Variants in ZNF12 observed in about 807,000 individuals in gnomAD.
The protein encoded by ZNF12 is gonadotropin inducible transcription repressor 3.
A neutral mutation model predicts 66.6 loss-of-function variants in ZNF12; 34 were observed. The ratio of observed to expected loss-of-function variants is 0.51; its 90% CI spans 0.39 to 0.68. The LOEUF is 0.68. Ranked by LOEUF, ZNF12 falls within the 30% of genes least tolerant of loss-of-function variation. The probability of loss-of-function intolerance (pLI) is 0.00; values close to 1 mark genes in which losing one functional copy is unlikely to be tolerated. For missense variants in ZNF12, 697 were observed against 826.9 expected (o/e 0.84, Z 1.93); for synonymous variants, 320 against 278.9 (o/e 1.15, Z -1.47).
Position 6,698,050 on chromosome 7 carries a change from A to C in ZNF12, c.16-239T>G. The C allele has an allele frequency of 4.3e-6, 3 of 699,214 alleles. No homozygotes were observed. Among genetic ancestry groups the C allele is most frequent in the Non-Finnish European group, 5.3e-6 (2 of 377,960 alleles). The allele number at this position is 699,214 out of a possible 1,614,324, so 43.3% of individuals were successfully genotyped here. On this transcript the variant is annotated intron_variant, in intron 2 of 4. Coordinates refer to ENST00000405858, the MANE Select transcript of ZNF12 (RefSeq NM_016265.4). This position sits in a 1 kb window ranked among gnomAD's most constrained non-coding sequence, Gnocchi z 4.4. ...GGGATTGCACGGTGAGCCAGAAACA[A>C]TCCTGGCTGTTGGGAACTCTTAACA...
chr7:6,692,775 A>G lies in ZNF12; in HGVS notation c.239-72T>C. On this transcript the variant is annotated intron_variant, in intron 4 of 4. Coordinates refer to ENST00000405858, the MANE Select transcript of ZNF12 (RefSeq NM_016265.4). This position sits in a 1 kb window ranked among gnomAD's most constrained non-coding sequence, Gnocchi z 5.1. ...TATATGATATGGAATGAGATTCATG[A>G]TTTGTACACACGCATCTCATTGTGA... 1 of 1,409,186 alleles carries G rather than the reference A, an allele frequency of 7.1e-7. No homozygotes were observed. Among genetic ancestry groups the G allele is most frequent in the Admixed American group, 2.4e-5 (1 of 41,110 alleles). The allele number at this position is 1,409,186 out of a possible 1,614,324, so 87.3% of individuals were successfully genotyped here.
chr7:6,700,081 C>T (rs866381856), intron 2 of ZNF12, among the ~76,000 whole-genome samples: 4 of 151,390 alleles, frequency 2.6e-5, no homozygotes, highest in East Asian at 1.9e-4. Context: ...GTCAGGAAAT[C>T]GAGACCATCC....
chr7:6,691,712 C>T lies in ZNF12; in HGVS notation c.1230G>A (p.Lys410=), dbSNP rs1780071826. 2 of 1,613,372 alleles carry T rather than the reference C, an allele frequency of 1.2e-6. No homozygotes were observed. Among genetic ancestry groups the T allele is most frequent in the African/African-American group, 1.3e-5 (1 of 74,762 alleles). ...QKIHTGVKLY[K]CSECGKCFCR... is the part of the protein sequence containing the mutation. ...AGAAGCATTTCCCACATTCACTACACTTGTAGAGTTTCACACCTGTGTGAA... is the reference window on the plus strand; with the variant it reads ...AGAAGCATTTCCCACATTCACTACATTTGTAGAGTTTCACACCTGTGTGAA... The change falls in exon 5 of 5, where the codon AAG becomes AAA. Residue 410 remains lysine (K), a synonymous_variant. Transcript: ENST00000405858.
Position 6,691,649 on chromosome 7 carries a change from G to A in ZNF12, c.1293C>T (p.His431=). Reference sequence around the variant, plus strand: ...TACATTCATACGGTTTCTCTCCTGTGTGGGTCCTCAGGTGGGTCGTGAGAG... The same window carrying A: ...TACATTCATACGGTTTCTCTCCTGTATGGGTCCTCAGGTGGGTCGTGAGAG... ...KSTLTTHLRT[H]TGEKPYECNE... is the part of the protein sequence containing the mutation. The change falls in exon 5 of 5, where the codon CAC becomes CAT. Residue 431 remains histidine (H), a synonymous_variant. Coordinates refer to ENST00000405858, the MANE Select transcript of ZNF12 (RefSeq NM_016265.4). 1 of 1,614,032 alleles carries A rather than the reference G, an allele frequency of 6.2e-7. No homozygotes were observed. Among genetic ancestry groups the A allele is most frequent in the African/African-American group, 1.3e-5 (1 of 75,050 alleles).
At chr7:6,694,458 T>A (rs1418617452) in intron 4 of ZNF12, among the ~76,000 whole-genome samples, 1 of 152,200 alleles carries the variant, frequency 6.6e-6, no homozygotes, top group Non-Finnish European at 1.5e-5. Context: ...GACAGTCATC[T>A]AACAAAAATA....
chr7:6,701,600 G>T (rs143802644), intron 2 of ZNF12, among the ~76,000 whole-genome samples: 5,304 of 152,226 alleles, frequency 0.035, 137 homozygotes, highest in Non-Finnish European at 0.048. Flanking sequence ...GAGCATGTGT[G>T]GGGGTGGTTA....
Position 6,691,340 on chromosome 7 carries a change from T to G in ZNF12, c.1602A>C (p.Ser534=). 6.2e-7 allele frequency: 1 copy of G among 1,614,030 alleles called. No homozygotes were observed. The highest frequency in any genetic ancestry group is 8.5e-7 in the Non-Finnish European group (1 of 1,179,894). ...SECGKTFYQN[S]ALCRHRRIHK... is the part of the protein sequence containing the mutation. ...GTATTCTCCGATGTCTACAAAGGGCTGAGTTCTGGTAGAAGGTTTTCCCAC... is the reference window on the plus strand; with the variant it reads ...GTATTCTCCGATGTCTACAAAGGGCGGAGTTCTGGTAGAAGGTTTTCCCAC... Residue 534 remains serine (S), a synonymous_variant, in exon 5 of 5, where the codon TCA becomes TCC. Coordinates refer to ENST00000405858, the MANE Select transcript of ZNF12 (RefSeq NM_016265.4).
rs1449137865 is a variant in ZNF12 at position 6,697,745 on chromosome 7, C to T, written c.82G>A (p.Glu28Lys). Residue 28 changes from glutamate to lysine, a missense_variant, in exon 3 of 5, where the codon GAG becomes AAG. Coordinates refer to ENST00000405858, the MANE Select transcript of ZNF12 (RefSeq NM_016265.4). The surrounding 1 kb of genome is among the most constrained non-coding windows in gnomAD (Gnocchi z 6.1). ...TQEEWQQLDP[E>K]QKITYRDVML... The stretch of plus-strand genomic sequence containing the variant: ...ACATCCCTGTAAGTTATCTTCTGCT[C>T]AGGATCCAGCTGCTGCCATTCCTCC... The T allele has an allele frequency of 6.2e-7, 1 of 1,614,182 alleles. No homozygotes were observed. Among genetic ancestry groups the T allele is most frequent in the East Asian group, 2.2e-5 (1 of 44,884 alleles).
intron 4 of ZNF12, among the ~76,000 whole-genome samples, chr7:6,694,115 C>T (rs1044118157): frequency 2.6e-5 from 4 of 150,962 alleles, no homozygotes; most frequent in Non-Finnish European, 4.4e-5. Flanking sequence ...TGCAGTGAGC[C>T]GAGATTGTGT....
intron 2 of ZNF12, among the ~76,000 whole-genome samples, chr7:6,702,486 C>CCACATACACACACACACA (rs774190186): frequency 4.7e-5 from 2 of 42,748 alleles, no homozygotes; most frequent in African/African-American, 2.8e-4. Flanking sequence ...CTCCCAAACT[C>CCACATACACACACACACA]CACACACACA....
At chr7:6,706,354 C>G (rs1011551700) in intron 1 of ZNF12, 78 bp downstream of exon 1, 2 of 454,060 alleles carry the variant, frequency 4.4e-6, no homozygotes, top group Non-Finnish European at 8.8e-6. Context: ...CTTCCACTGT[C>G]CCTCACTCTA....
chr7:6,696,456 GA>G lies in ZNF12; in HGVS notation c.238+882del, dbSNP rs774535679. ...GTAACTGGTATCACAGAAAATACCA[GA>G]CTAGAGCCCAGGCTCAATGGTGGTA... On this transcript the variant is annotated intron_variant, in intron 4 of 4. Transcript: ENST00000405858. The surrounding 1 kb of genome is among the most constrained non-coding windows in gnomAD (Gnocchi z 4.0). Among the ~76,000 whole-genome samples the G allele has an allele frequency of 9.2e-5, 14 of 152,314 alleles. No homozygotes were observed. The highest frequency in any genetic ancestry group is 8.3e-4 in the South Asian group (4 of 4,832).
intron 2 of ZNF12, among the ~76,000 whole-genome samples, chr7:6,702,874 G>T (rs192864636): frequency 1 from 4 of 4 alleles, 2 homozygotes; most frequent in Non-Finnish European, 1. Flanking sequence ...ACACAACAGA[G>T]TTGTGTCTCA....
chr7:6,695,277 T>C (rs1780137565), intron 4 of ZNF12, among the ~76,000 whole-genome samples: 1 of 152,268 alleles, frequency 6.6e-6, no homozygotes. Flanking sequence ...TCCTATTTCC[T>C]TTGAACCTCT....
At position 6,692,826 on chromosome 7, in the gene ZNF12, GA is replaced by G; in HGVS notation, c.239-124del. The G allele has an allele frequency of 2.1e-6, 2 of 953,008 alleles. No homozygotes were observed. The highest frequency in any genetic ancestry group is 3.0e-6 in the Non-Finnish European group (2 of 668,512). 59.0% of individuals were successfully genotyped at this position (953,008 alleles called of 1,614,324 possible). On this transcript the variant is annotated intron_variant, in intron 4 of 4. Transcript: ENST00000405858. The surrounding 1 kb of genome is among the most constrained non-coding windows in gnomAD (Gnocchi z 5.1). ...GTAGATGCTAGCTTCATGAACAGAT[GA>G]AAATAATTCCAAGTGTACTCTTCTC...
At chr7:6,700,989 T>TTCA (rs748467555) in intron 2 of ZNF12, 11 of 152,148 alleles carry the variant, frequency 7.2e-5, no homozygotes, top group Non-Finnish European at 1.2e-4. Context: ...CATTCATTCA[T>TTCA]TCATTCGAGA....
rs973353897 is a variant in ZNF12, at chr7:6,692,030, T to C, written c.912A>G (p.Lys304=). ...EKPYECNQCG[K]SFCQKGTLTV... ...TAAGGGTTCCCTTCTGGCAGAAGGATTTCCCACACTGATTACATTCGTAAG... is the reference window on the plus strand; with the variant it reads ...TAAGGGTTCCCTTCTGGCAGAAGGACTTCCCACACTGATTACATTCGTAAG... The change falls in exon 5 of 5, where the codon AAA becomes AAG. Residue 304 remains lysine, a synonymous_variant. Transcript: ENST00000405858. The surrounding 1 kb of genome is among the most constrained non-coding windows in gnomAD (Gnocchi z 5.1). 1.4e-5 allele frequency: 22 copies of C among 1,612,984 alleles called. No individual in the cohort carries two copies. Among genetic ancestry groups the C allele is most frequent in the Non-Finnish European group, 1.8e-5 (21 of 1,179,440 alleles).
chr7:6,690,638 A>T lies in ZNF12; in HGVS notation c.*210T>A. The T allele has an allele frequency of 2.0e-6, 1 of 501,352 alleles. No homozygotes were observed. Among genetic ancestry groups the T allele is most frequent in the Non-Finnish European group, 3.5e-6 (1 of 289,316 alleles). 31.1% of individuals were successfully genotyped at this position (501,352 alleles called of 1,614,324 possible). On this transcript the variant is annotated 3_prime_UTR_variant, in exon 5 of 5. Coordinates refer to ENST00000405858, the MANE Select transcript of ZNF12 (RefSeq NM_016265.4). ...ACATTCTTAATATTTATAAATTTTT[A>T]CTTGTCTATAGTCTAGTATTGTTAT...
In ZNF12 at chr7:6,690,839, G is replaced by A; in HGVS notation, c.*9C>T. Reference sequence around the variant, plus strand: ...GAAAGGGTTCTCTGATATAAAATGAGGTCTGACTTCAGAGAAGCCTTCCCA... The same window carrying A: ...GAAAGGGTTCTCTGATATAAAATGAAGTCTGACTTCAGAGAAGCCTTCCCA... On this transcript the variant is annotated 3_prime_UTR_variant, in exon 5 of 5. Coordinates refer to ENST00000405858, the MANE Select transcript of ZNF12 (RefSeq NM_016265.4). 1 of 1,596,148 alleles carries A rather than the reference G, an allele frequency of 6.3e-7. No individual in the cohort carries two copies. Among genetic ancestry groups the A allele is most frequent in the Non-Finnish European group, 8.5e-7 (1 of 1,171,102 alleles).
Sources: gnomAD v4.1 joint callset for allele counts (sites outside exome capture counted in the v4.1 genomes callset) on GRCh38, gnomAD v4.1.1 for gene constraint, Gnocchi (gnomAD v3.1) non-coding constraint, MANE v1.5 for transcripts, NCBI Gene and HGNC (gene_info 2026-07-23, HGNC 2026-07-21) for gene names.